RBPJ: variants seen among roughly 807,000 people sequenced by gnomAD.
RBPJ encodes the protein recombination signal binding protein for immunoglobulin kappa J region, also known as recombining binding protein suppressor of hairless.
In RBPJ, 9 loss-of-function variants were observed where a neutral mutation model predicts 67.8. The observed-to-expected ratio is 0.13, with a 90% confidence interval of 0.08 to 0.23. The LOEUF (loss-of-function observed/expected upper bound fraction) is 0.23, where lower values mean the gene tolerates loss of function less well. Ranked by LOEUF, RBPJ falls within the 10% of genes least tolerant of loss-of-function variation. The probability of loss-of-function intolerance (pLI) is 1.00; values close to 1 mark genes in which losing one functional copy is unlikely to be tolerated. For missense variants in RBPJ, 305 were observed against 595.6 expected, an observed-to-expected ratio of 0.51 and a Z score of 5.08; for synonymous variants, 198 against 203.3, an observed-to-expected ratio of 0.97 and a Z score of 0.22.
At chr4:26,397,656 CAG>C (rs1383185742) in intron 2 of RBPJ, among the ~76,000 whole-genome samples, 3 of 152,088 alleles carry the variant, frequency 2.0e-5, no homozygotes, top group Non-Finnish European at 4.4e-5. Context: ...TTTTTTGAGA[CAG>C]AGTCTCACTC....
At chr4:26,165,866 C>A (rs1329218467) in intron 1 of RBPJ, among the ~76,000 whole-genome samples, 89 of 125,526 alleles carry the variant, frequency 7.1e-4, no homozygotes, top group African/African-American at 2.9e-3. Context: ...TCCCTCCCCC[C>A]TCCCCCCACC....
intron 1 of RBPJ, among the ~76,000 whole-genome samples, chr4:26,310,765 G>A (rs1486397898): frequency 2.0e-5 from 3 of 151,274 alleles, no homozygotes; most frequent in Non-Finnish European, 4.4e-5. Flanking sequence ...CGCCTCCCGG[G>A]CTCAAGTGAG....
chr4:26,192,992 T>C (rs1217610256), intron 1 of RBPJ, among the ~76,000 whole-genome samples: 3 of 152,056 alleles, frequency 2.0e-5, no homozygotes, highest in Admixed American at 2.0e-4. Context: ...GGGGATATGA[T>C]GACAGAAGCA....
Position 26,433,980 on chromosome 4 carries a change from GCAGTT to G in RBPJ, c.*2974_*2978del, listed in dbSNP as rs1421176753. On this transcript the variant is annotated 3_prime_UTR_variant, in exon 11 of 11. Coordinates refer to ENST00000355476, the MANE Select transcript of RBPJ (RefSeq NM_015874.6). ...ATGTATCTTATGCTCTCATGACTAT[GCAGTT>G]TCTAAACATACACATAGAAGCTGAG... 1 of 152,142 alleles carries G rather than the reference GCAGTT, an allele frequency of 6.6e-6. No homozygotes were observed. The highest frequency in any genetic ancestry group is 1.5e-5 in the Non-Finnish European group (1 of 68,016). The allele number at this position is 152,142 out of a possible 1,614,324, so 9.4% of individuals were successfully genotyped here.
intron 1 of RBPJ, among the ~76,000 whole-genome samples, chr4:26,373,172 A>G (rs1466981086): frequency 6.6e-6 from 1 of 152,250 alleles, no homozygotes; most frequent in Non-Finnish European, 1.5e-5. Context: ...GTTACATAAA[A>G]TGTTTTGGAA....
In RBPJ at chr4:26,430,906, G is replaced by T; in HGVS notation, c.1363G>T (p.Val455Leu). ...AATCCTTCGAGCCAATTCAAGCCAG[G>T]TGCCCCCTAACGAATCAAACACAAA... ...GAILRANSSQ[V>L]PPNESNTNSE... Residue 455 changes from valine to leucine, a missense_variant, in exon 11 of 11, where the codon GTG becomes TTG. Transcript: ENST00000355476. This position sits in a 1 kb window ranked among gnomAD's most constrained non-coding sequence, Gnocchi z 4.1. 6.2e-7 allele frequency: 1 copy of T among 1,613,928 alleles called. No individual in the cohort carries two copies.
At chr4:26,138,997 C>T in the RBPJ span, among the ~76,000 whole-genome samples, 130 of 152,350 alleles carry the variant, frequency 8.5e-4, no homozygotes, top group Non-Finnish European at 1.9e-4. Context: ...TAACAGCCAA[C>T]AATCCCGGAC....
intron 1 of RBPJ, among the ~76,000 whole-genome samples, chr4:26,298,160 AT>A (rs913831181): frequency 1.3e-5 from 2 of 151,434 alleles, no homozygotes; most frequent in African/African-American, 2.4e-5. Context: ...TTTCCCTCAT[AT>A]TTTTTTTCAA....
intron 1 of RBPJ, among the ~76,000 whole-genome samples, chr4:26,276,324 T>G (rs1721083450): frequency 6.6e-6 from 1 of 151,870 alleles, no homozygotes. Flanking sequence ...ATAAAGCTGT[T>G]GTAAATTTTA....
intron 5 of RBPJ, among the ~76,000 whole-genome samples, chr4:26,423,456 A>G (rs551896772): frequency 2.0e-5 from 3 of 152,340 alleles, no homozygotes; most frequent in South Asian, 2.1e-4. Flanking sequence ...CAGCCTGCTT[A>G]AAAGTATGGT....
chr4:26,191,247 A>G lies in RBPJ; in HGVS notation c.-167+27633A>G, dbSNP rs1560204245. ...GAGAGAGAGAGAGAGAGAGATAGAG[A>G]GAGAGAGAGGGAGAGAGGGAGAGAG... On this transcript the variant is annotated intron_variant, in intron 1 of 4. Transcript: ENST00000512351. Among the ~76,000 whole-genome samples, 261 of 130,502 alleles carry G rather than the reference A, an allele frequency of 2.0e-3. 3 individuals are homozygous for G. Among genetic ancestry groups the G allele is most frequent in the African/African-American group, 7.2e-3 (240 of 33,322 alleles). The allele number at this position is 130,502 out of a possible 152,430, so 85.6% of individuals were successfully genotyped here.
At chr4:26,157,516 A>C in the RBPJ span, among the ~76,000 whole-genome samples, 28 of 152,390 alleles carry the variant, frequency 1.8e-4, no homozygotes, top group East Asian at 5.2e-3. Context: ...TTACTTTCAA[A>C]GAAAAATCAA....
chr4:26,181,696 T>C (rs1215184964), intron 1 of RBPJ, among the ~76,000 whole-genome samples: 2 of 152,240 alleles, frequency 1.3e-5, no homozygotes, highest in African/African-American at 2.4e-5. Flanking sequence ...CAGTATAGCA[T>C]GTGACTCTAC....
intron 1 of RBPJ, among the ~76,000 whole-genome samples, chr4:26,358,610 C>CAAAAAA (rs771623602): frequency 4.6e-5 from 2 of 43,126 alleles, no homozygotes; most frequent in Non-Finnish European, 1.0e-4. Context: ...CCCATCTCTG[C>CAAAAAA]AAAAAAAAAA....
intron 1 of RBPJ, among the ~76,000 whole-genome samples, chr4:26,308,128 T>G (rs916662680): frequency 5.3e-5 from 8 of 152,184 alleles, no homozygotes; most frequent in African/African-American, 1.7e-4. Context: ...TACAAAAAAT[T>G]AGCCGGGCGT....
intron 1 of RBPJ, among the ~76,000 whole-genome samples, chr4:26,195,177 T>C: frequency 6.6e-6 from 1 of 152,212 alleles, no homozygotes. Flanking sequence ...AAGACCAGCC[T>C]GGCCAACATA....
At chr4:26,412,682 A>G (rs944106920) in intron 3 of RBPJ, among the ~76,000 whole-genome samples, 6 of 152,238 alleles carry the variant, frequency 3.9e-5, no homozygotes, top group African/African-American at 7.2e-5. Context: ...TTTGAGTTTT[A>G]TAGCTGATAC....
At chr4:26,351,801 A>G (rs1225216575) in intron 1 of RBPJ, among the ~76,000 whole-genome samples, 1 of 152,216 alleles carries the variant, frequency 6.6e-6, no homozygotes, top group East Asian at 1.9e-4. Flanking sequence ...TTCTGTTTTG[A>G]TAGTACGTTT....
intron 4 of RBPJ, 35 bp downstream of exon 4, chr4:26,415,675 A>G: frequency 1.9e-6 from 3 of 1,548,244 alleles, no homozygotes; most frequent in Non-Finnish European, 2.6e-6. Context: ...AGAAAGGGGC[A>G]CCATGGTACC....
Sources: allele counts gnomAD v4.1 joint callset (sites outside exome capture counted in the v4.1 genomes callset), GRCh38; gene constraint gnomAD v4.1.1; non-coding constraint Gnocchi (gnomAD v3.1); transcripts MANE v1.5; gene names NCBI Gene and HGNC (gene_info 2026-07-23, HGNC 2026-07-21).